Variants in SERGEF observed in about 807,000 individuals in gnomAD.
The protein encoded by SERGEF is secretion regulating guanine nucleotide exchange factor, also known as secretion-regulating guanine nucleotide exchange factor.
SERGEF carries 51 observed loss-of-function variants against 50.0 expected under a neutral mutation model. That is an observed-to-expected ratio of 1.02 (90% CI 0.81 to 1.29). The LOEUF (loss-of-function observed/expected upper bound fraction) is 1.29, where lower values mean the gene tolerates loss of function less well. Among genes scored for constraint, SERGEF ranks in the 50% most tolerant of loss-of-function variants. The pLI is 0.00. For missense variants in SERGEF, 521 were observed against 557.0 expected, an observed-to-expected ratio of 0.94 and a Z score of 0.65; for synonymous variants, 205 against 212.4, an observed-to-expected ratio of 0.97 and a Z score of 0.30.
At chr11:18,011,820 G>A (rs1316594737) in intron 1 of SERGEF, among the ~76,000 whole-genome samples, 1 of 152,082 alleles carries the variant, frequency 6.6e-6, no homozygotes, top group East Asian at 1.9e-4. Context: ...CAGCTCCCGG[G>A]CCACCTCAAA....
intron 8 of SERGEF, among the ~76,000 whole-genome samples, chr11:17,964,228 A>G (rs1250629681): frequency 6.6e-6 from 1 of 152,092 alleles, no homozygotes; most frequent in Non-Finnish European, 1.5e-5. Context: ...TCAAATATAA[A>G]TGAAAGGGGA....
intron 8 of SERGEF, among the ~76,000 whole-genome samples, chr11:17,986,515 G>A (rs1853599598): frequency 6.6e-6 from 1 of 152,240 alleles, no homozygotes; most frequent in Admixed American, 6.5e-5. Context: ...AGCAGCTGGG[G>A]TGACTCAGAC....
chr11:17,944,732 G>A (rs901151297), intron 9 of SERGEF, among the ~76,000 whole-genome samples: 4 of 152,156 alleles, frequency 2.6e-5, no homozygotes, highest in African/African-American at 7.2e-5. Flanking sequence ...TGAAAAACCC[G>A]CTTCTCTCTG....
At chr11:17,796,800 A>T (rs1849578196) in intron 10 of SERGEF, among the ~76,000 whole-genome samples, 1 of 152,214 alleles carries the variant, frequency 6.6e-6, no homozygotes, top group Non-Finnish European at 1.5e-5. Flanking sequence ...TCCAGAATCA[A>T]AAGTGGGGCT....
chr11:17,979,402 G>T (rs1204436462), intron 8 of SERGEF, among the ~76,000 whole-genome samples: 1 of 152,090 alleles, frequency 6.6e-6, no homozygotes, highest in Non-Finnish European at 1.5e-5. Context: ...ACACCTGCAG[G>T]GTCTTCCATA....
At chr11:17,963,181 CAAA>C (rs1164488575) in intron 8 of SERGEF, among the ~76,000 whole-genome samples, 5 of 16,490 alleles carry the variant, frequency 3.0e-4, no homozygotes, top group Non-Finnish European at 3.6e-4. Context: ...GACTCTGTTT[CAAA>C]AAAAAAAAAA....
At chr11:17,892,900 G>A (rs1851558824) in intron 9 of SERGEF, among the ~76,000 whole-genome samples, 1 of 152,208 alleles carries the variant, frequency 6.6e-6, no homozygotes, top group Non-Finnish European at 1.5e-5. Context: ...AGAAAAGTGG[G>A]ATGTTTGGTG....
At chr11:17,862,651 T>C (rs527537048) in intron 10 of SERGEF, among the ~76,000 whole-genome samples, 17 of 152,276 alleles carry the variant, frequency 1.1e-4, no homozygotes, top group African/African-American at 3.8e-4. Context: ...ACAGCAGTCA[T>C]AGGACAGGTG....
intron 8 of SERGEF, among the ~76,000 whole-genome samples, chr11:17,988,004 A>G (rs1311240506): frequency 6.6e-6 from 1 of 152,250 alleles, no homozygotes; most frequent in Non-Finnish European, 1.5e-5. Context: ...AGGCCAGGAA[A>G]GTAGAACTGC....
At chr11:18,010,353 T>C in intron 1 of SERGEF, 1 of 210,942 alleles carries the variant, frequency 4.7e-6, no homozygotes, top group South Asian at 7.8e-5. Context: ...CTTCTCTCCA[T>C]ACTGTGCATT....
At chr11:17,853,216 T>C (rs757145808) in intron 10 of SERGEF, among the ~76,000 whole-genome samples, 1 of 152,144 alleles carries the variant, frequency 6.6e-6, no homozygotes, top group East Asian at 1.9e-4. Flanking sequence ...ATACCATACA[T>C]GAACAGTGCT....
At chr11:17,871,854 C>A (rs1389874032) in intron 10 of SERGEF, among the ~76,000 whole-genome samples, 1 of 152,062 alleles carries the variant, frequency 6.6e-6, no homozygotes, top group Non-Finnish European at 1.5e-5. Flanking sequence ...TAAATTGGTG[C>A]AACTACTTTA....
chr11:17,836,591 T>A (rs1326590456), intron 10 of SERGEF, among the ~76,000 whole-genome samples: 3 of 152,202 alleles, frequency 2.0e-5, no homozygotes, highest in Non-Finnish European at 4.4e-5. Context: ...AAGACCTTCA[T>A]GGTACAACCA....
intron 8 of SERGEF, among the ~76,000 whole-genome samples, chr11:17,975,309 T>G (rs919142782): frequency 1.3e-5 from 2 of 152,186 alleles, no homozygotes; most frequent in Non-Finnish European, 2.9e-5. Flanking sequence ...TGTAAAGCCC[T>G]GGTAAAATGC....
At chr11:17,822,737 CA>C (rs1850107409) in intron 10 of SERGEF, among the ~76,000 whole-genome samples, 1 of 152,184 alleles carries the variant, frequency 6.6e-6, no homozygotes, top group South Asian at 2.1e-4. Context: ...GAAGGTACGT[CA>C]CCCCCATTTT....
In SERGEF at chr11:17,946,773, T is replaced by C. The variant is rs142962635; in HGVS notation, c.1011+12697A>G. 2.0e-5 allele frequency among the ~76,000 whole-genome samples: 3 copies of C among 152,336 alleles called. No individual in the cohort carries two copies. The East Asian group carries it at 5.8e-4, about 29-fold the overall frequency. Reference sequence around the variant, plus strand: ...AGATTGAAAAAGATGCCTATATTTCTATGCCCCTCATGCTGAGACTACTGG... The same window carrying C: ...AGATTGAAAAAGATGCCTATATTTCCATGCCCCTCATGCTGAGACTACTGG... On this transcript the variant is annotated intron_variant, in intron 9 of 10. Transcript: ENST00000265965.
intron 8 of SERGEF, among the ~76,000 whole-genome samples, chr11:17,976,157 T>C (rs1853368711): frequency 1.3e-5 from 2 of 152,194 alleles, no homozygotes; most frequent in Non-Finnish European, 2.9e-5. Flanking sequence ...TTTGGCCACA[T>C]TAAGCTTCCT....
chr11:17,977,984 C>A (rs1853413561), intron 8 of SERGEF, among the ~76,000 whole-genome samples: 1 of 152,148 alleles, frequency 6.6e-6, no homozygotes. Context: ...GCTACATTTC[C>A]CATAAGGTCA....
At chr11:17,967,680 A>C (rs1185182046) in intron 8 of SERGEF, among the ~76,000 whole-genome samples, 1 of 152,218 alleles carries the variant, frequency 6.6e-6, no homozygotes, top group Non-Finnish European at 1.5e-5. Context: ...CAGGCTAGGG[A>C]AGAGCATGGC....
Sources: allele counts gnomAD v4.1 joint callset (sites outside exome capture counted in the v4.1 genomes callset), GRCh38; gene constraint gnomAD v4.1.1; transcripts MANE v1.5; gene names NCBI Gene and HGNC (gene_info 2026-07-23, HGNC 2026-07-21).